Variants in IFT140 observed in about 807,000 individuals in gnomAD.
IFT140 encodes intraflagellar transport protein 140 homolog.
In IFT140, 133 loss-of-function variants were observed where a neutral mutation model predicts 164.6. The observed-to-expected ratio is 0.81, with a 90% CI of 0.70 to 0.93. The LOEUF is 0.93. Ranked by LOEUF, IFT140 falls within the 40% of genes least tolerant of loss-of-function variation. The pLI, the probability that IFT140 is intolerant of heterozygous loss-of-function variation, is 0.00. For missense variants in IFT140, 2,045 were observed against 1,972.3 expected, an observed-to-expected ratio of 1.04 and a Z score of -0.70; for synonymous variants, 860 against 817.3, an observed-to-expected ratio of 1.05 and a Z score of -0.89.
chr16:1,543,171 C>T (rs1482458406), intron 19 of IFT140, among the ~76,000 whole-genome samples: 1 of 152,248 alleles, frequency 6.6e-6, no homozygotes, highest in Non-Finnish European at 1.5e-5. Flanking sequence ...CTGAGCATGA[C>T]CAGCACGGAG....
intron 19 of IFT140, among the ~76,000 whole-genome samples, chr16:1,538,711 G>T (rs1032485248): frequency 4.6e-5 from 7 of 152,310 alleles, no homozygotes; most frequent in African/African-American, 1.4e-4. Flanking sequence ...ACAGCACCGT[G>T]CCACAGATCC....
intron 6 of IFT140, among the ~76,000 whole-genome samples, 170 bp downstream of exon 6, chr16:1,592,006 G>A (rs930531753): frequency 6.6e-6 from 1 of 152,206 alleles, no homozygotes; most frequent in Non-Finnish European, 1.5e-5. Flanking sequence ...CTGGATGGAT[G>A]GCTGCAGAGA....
At position 1,528,950 on chromosome 16, in the gene IFT140, C is replaced by T. The variant is rs1467744621; in HGVS notation, c.2400-2154G>A. Among the ~76,000 whole-genome samples the T allele has an allele frequency of 3.9e-5, 6 of 152,274 alleles. No homozygotes were observed. The East Asian group carries it at 1.2e-3, about 29-fold the overall frequency. ...TGTGGGCTGCCCACATCTCAGCTTCCCTGGCTCCCACAGAATCACAGGGCA... is the reference window on the plus strand; with the variant it reads ...TGTGGGCTGCCCACATCTCAGCTTCTCTGGCTCCCACAGAATCACAGGGCA... On this transcript the variant is annotated intron_variant, in intron 19 of 30. Transcript: ENST00000426508.
chr16:1,606,628 T>G (rs1476654426), intron 3 of IFT140, among the ~76,000 whole-genome samples: 1 of 152,072 alleles, frequency 6.6e-6, no homozygotes, highest in Non-Finnish European at 1.5e-5. Flanking sequence ...GCCCGGCTAA[T>G]TTTGTATTTT....
chr16:1,606,971 A>C, intron 3 of IFT140, 149 bp downstream of exon 3: 4 of 778,316 alleles, frequency 5.1e-6, no homozygotes, highest in Middle Eastern at 2.4e-4. Context: ...TACACACACC[A>C]ATACACATAC....
At chr16:1,569,244 G>A (rs1339296516) in intron 14 of IFT140, among the ~76,000 whole-genome samples, 4 of 152,076 alleles carry the variant, frequency 2.6e-5, no homozygotes, top group East Asian at 1.9e-4. Flanking sequence ...CCTTGACCTC[G>A]TGATCCGCCC....
At chr16:1,582,212 G>A (rs899490191) in intron 12 of IFT140, among the ~76,000 whole-genome samples, 2 of 152,206 alleles carry the variant, frequency 1.3e-5, no homozygotes, top group African/African-American at 4.8e-5. Flanking sequence ...TATGGCAGAA[G>A]ATGGTAAGGT....
intron 19 of IFT140, among the ~76,000 whole-genome samples, chr16:1,548,520 C>T (rs1382094470): frequency 6.6e-6 from 1 of 152,210 alleles, no homozygotes; most frequent in African/African-American, 2.4e-5. Context: ...GGCAGAATTT[C>T]GTGTTTGCTA....
intron 3 of IFT140, among the ~76,000 whole-genome samples, chr16:1,603,948 T>C (rs2035920775): frequency 6.6e-6 from 1 of 152,268 alleles, no homozygotes. Context: ...CCTGAAGTTT[T>C]CCTTGTGCCA....
At chr16:1,567,575 G>A (rs1021810274) in intron 15 of IFT140, among the ~76,000 whole-genome samples, 7 of 152,242 alleles carry the variant, frequency 4.6e-5, no homozygotes, top group Non-Finnish European at 7.3e-5. Context: ...GGCAGTGGGC[G>A]GGGTCCTTGT....
Position 1,584,350 on chromosome 16 carries a change from A to G in IFT140, c.1226T>C (p.Met409Thr). 3 of 1,613,478 alleles carry G rather than the reference A, an allele frequency of 1.9e-6. No homozygotes were observed. The highest frequency in any genetic ancestry group is 2.5e-6 in the Non-Finnish European group (3 of 1,179,896). ...ISVAILSERA[M>T]SSHFHQQVAA... ...CACTTGCTGGTGGAAGTGTGACGAC[A>G]TGGCCCGCTCGCTGAGGATGGCCAC... The change falls in exon 11 of 31, where the codon ATG (methionine) becomes ACG (threonine). Residue 409 changes from methionine (M) to threonine (T), a missense_variant. Transcript: ENST00000426508.
intron 2 of IFT140, among the ~76,000 whole-genome samples, chr16:1,608,716 C>T (rs1390766941): frequency 2.7e-5 from 4 of 150,532 alleles, no homozygotes; most frequent in Admixed American, 1.3e-4. Flanking sequence ...GCAAAAGAAA[C>T]CTTTAAATTA....
rs2040244463 is a variant in IFT140 at position 1,513,667 on chromosome 16, CTTTCTTTTTTTTTT to C, written c.4183-2531_4183-2518del. 6.8e-5 allele frequency among the ~76,000 whole-genome samples: 6 copies of C among 88,068 alleles called. No homozygotes were observed. The South Asian group carries it at 2.4e-3, about 36-fold the overall frequency. 57.8% of individuals were successfully genotyped at this position (88,068 alleles called of 152,430 possible). On this transcript the variant is annotated intron_variant, in intron 30 of 30. Transcript: ENST00000426508. ...TGGGCAGGCTTCCTGCTTCTCACAA[CTTTCTTTTTTTTTT>C]TTTCTTTTTTGAGACGGAGTCTTGC...
intron 15 of IFT140, among the ~76,000 whole-genome samples, chr16:1,566,825 C>A (rs1034846424): frequency 1.3e-5 from 2 of 152,132 alleles, no homozygotes; most frequent in Admixed American, 1.3e-4. Flanking sequence ...TTTTGAGGCT[C>A]CTGGCTGCCT....
At position 1,526,216 on chromosome 16, in the gene IFT140, G is replaced by A. The variant is rs140961582; in HGVS notation, c.2578-139C>T. 3.4e-3 allele frequency: 2,742 copies of A among 815,532 alleles called. 51 individuals are homozygous for A. In the African/African-American group the frequency reaches 0.04, roughly 12 times the overall value. 50.5% of individuals were successfully genotyped at this position (815,532 alleles called of 1,614,324 possible). A position where few individuals can be genotyped will look rare whatever the true frequency, so the allele number is the denominator to read the frequency against. On this transcript the variant is annotated intron_variant, in intron 20 of 30. Coordinates refer to ENST00000426508, the MANE Select transcript of IFT140 (RefSeq NM_014714.4). ...GACACACGGGGCCGCTGTGGGCACA[G>A]CAAACGCCACACACCCACGGGGCAT...
chr16:1,534,468 GC>G, intron 19 of IFT140: 1 of 1,611,098 alleles, frequency 6.2e-7, no homozygotes. Flanking sequence ...TGGGGCCAGA[GC>G]CGGCCAGGTG....
In IFT140 at chr16:1,510,721, C is replaced by G. The variant is rs2040111234; in HGVS notation, c.*223G>C. The G allele has an allele frequency of 1.7e-6, 1 of 595,714 alleles. No individual in the cohort carries two copies. The highest frequency in any genetic ancestry group is 2.0e-5 in the South Asian group (1 of 50,112). The allele number at this position is 595,714 out of a possible 1,614,324, so 36.9% of individuals were successfully genotyped here. On this transcript the variant is annotated 3_prime_UTR_variant, in exon 31 of 31. Transcript: ENST00000426508. The stretch of plus-strand genomic sequence containing the variant: ...CCTTCAAAGGAATGAATCCAAAAAT[C>G]TAGTGGAGCTGCCGGGCACCCAGAG...
intron 20 of IFT140, chr16:1,526,372 T>C (rs1596306456): frequency 4.3e-6 from 2 of 469,106 alleles, no homozygotes; most frequent in African/African-American, 4.2e-5. Context: ...CCTGGGGGTC[T>C]CTCGGGCGCT....
rs922819138 is a variant in IFT140 at position 1,530,133 on chromosome 16, C to CTTTTTTTTTTTT, written c.2400-3349_2400-3338dup. ...TCCCAAAAGACTTCACGACGGGAATCTTTTTTTTTTTTTTTTTTTTTTTTG... is the reference window on the plus strand; with the variant it reads ...TCCCAAAAGACTTCACGACGGGAATCTTTTTTTTTTTTTTTTTTTTTTTTTTTTTTTTTTTTG... On this transcript the variant is annotated intron_variant, in intron 19 of 30. Transcript: ENST00000426508. Among the ~76,000 whole-genome samples the CTTTTTTTTTTTT allele has an allele frequency of 1.1e-3, 99 of 88,578 alleles. 11 individuals carry two copies. The highest frequency in any genetic ancestry group is 4.4e-3 in the African/African-American group (82 of 18,448). The allele number at this position is 88,578 out of a possible 152,430, so 58.1% of individuals were successfully genotyped here. A position where few individuals can be genotyped will look rare whatever the true frequency, so the allele number is the denominator to read the frequency against.
Sources: gnomAD v4.1 joint callset for allele counts (sites outside exome capture counted in the v4.1 genomes callset) on GRCh38, gnomAD v4.1.1 for gene constraint, MANE v1.5 for transcripts, NCBI Gene and HGNC (gene_info 2026-07-23, HGNC 2026-07-21) for gene names.